Variants in CRHR2 observed in about 807,000 individuals in gnomAD.
CRHR2 encodes the protein corticotropin releasing hormone receptor 2, also known as corticotropin-releasing hormone receptor 2.
CRHR2 carries 53 observed loss-of-function variants against 57.9 expected under a neutral mutation model. That is an observed-to-expected ratio of 0.92 (90% CI 0.73 to 1.15). The LOEUF is 1.15. CRHR2 is among the 50% of genes most tolerant of loss of function. The pLI is 0.00. For synonymous variants in CRHR2, 213 were observed against 220.9 expected, an observed-to-expected ratio of 0.96 and a Z score of 0.32; for missense variants, 532 against 542.6, an observed-to-expected ratio of 0.98 and a Z score of 0.19.
Position 30,662,755 on chromosome 7 carries a change from G to A in CRHR2, c.636C>T (p.Ala212=). Residue 212 remains alanine (A), a synonymous_variant, in exon 6 of 12, where the codon GCC becomes GCT. Coordinates refer to ENST00000471646, the MANE Select transcript of CRHR2 (RefSeq NM_001883.5). ...GCTCAGTGGAGTAGGTCATGACAAT[G>A]GCCGTGTGCAGGTAGCAGCCTTCCA... ...MFVEGCYLHT[A]IVMTYSTERL... 1.9e-6 allele frequency: 3 copies of A among 1,614,234 alleles called. No homozygotes were observed. In the South Asian group the frequency reaches 3.3e-5, roughly 18 times the overall value.
upstream of CRHR2, among the ~76,000 whole-genome samples, chr7:30,686,001 G>A (rs544749296): frequency 2.0e-4 from 31 of 152,052 alleles, no homozygotes; most frequent in African/African-American, 7.2e-4. Context: ...AGAACAACAT[G>A]TCATTCCTGG....
chr7:30,681,275 A>T (rs1784696398), intron 2 of CRHR2, among the ~76,000 whole-genome samples: 1 of 152,142 alleles, frequency 6.6e-6, no homozygotes, highest in Non-Finnish European at 1.5e-5. Context: ...GACACCACTC[A>T]TTATGGGGGC....
In CRHR2 at chr7:30,682,236, G is replaced by A; in HGVS notation, c.45C>T (p.Ser15=). ...LLHSLLEANC[S]LALAEELLLD... is the part of the protein sequence containing the mutation. ...AGAGCAGCTCTTCAGCCAGCGCCAG[G>A]CTGCAGTTGGCCTCCAGCAGGCTGT... The change falls in exon 1 of 12, where the codon AGC becomes AGT. Residue 15 remains serine (S), a synonymous_variant. Coordinates refer to ENST00000471646, the MANE Select transcript of CRHR2 (RefSeq NM_001883.5). 1 of 1,589,730 alleles carries A rather than the reference G, an allele frequency of 6.3e-7. No individual in the cohort carries two copies. Among genetic ancestry groups the A allele is most frequent in the Non-Finnish European group, 8.5e-7 (1 of 1,175,386 alleles).
upstream of CRHR2, among the ~76,000 whole-genome samples, chr7:30,685,260 A>C (rs1784832281): frequency 6.6e-6 from 1 of 152,214 alleles, no homozygotes. Context: ...TCAAACAGGC[A>C]TGTAGGCACA....
upstream of CRHR2, chr7:30,686,356 C>T: frequency 6.6e-7 from 1 of 1,509,890 alleles, no homozygotes; most frequent in Non-Finnish European, 8.8e-7. Flanking sequence ...CTCTAGACTT[C>T]AGCCCAGTGA....
intron 11 of CRHR2, 107 bp downstream of exon 11, chr7:30,654,932 C>T: frequency 6.4e-7 from 1 of 1,557,650 alleles, no homozygotes; most frequent in Non-Finnish European, 8.7e-7. Context: ...CTCAAGGCTT[C>T]CTCTCCCTGG....
intron 2 of CRHR2, among the ~76,000 whole-genome samples, chr7:30,675,618 C>T (rs562799829): frequency 2.6e-5 from 4 of 152,344 alleles, no homozygotes; most frequent in South Asian, 2.1e-4. Flanking sequence ...CTCCCACCCT[C>T]CCTTCCATCT....
intron 2 of CRHR2, among the ~76,000 whole-genome samples, chr7:30,671,195 T>G (rs575348028): frequency 2.0e-5 from 3 of 152,344 alleles, no homozygotes; most frequent in Admixed American, 2.0e-4. Flanking sequence ...TATGATGTTA[T>G]TGGCATCTCA....
At chr7:30,662,613 T>C (rs1784047922) in intron 6 of CRHR2, 81 bp downstream of exon 6, 1 of 1,534,562 alleles carries the variant, frequency 6.5e-7, no homozygotes, top group East Asian at 2.3e-5. Context: ...CAGGCTCTGG[T>C]CCTTGGACCC....
chr7:30,662,117 C>G, intron 7 of CRHR2, 39 bp downstream of exon 7: 1 of 1,610,472 alleles, frequency 6.2e-7, no homozygotes, highest in Non-Finnish European at 8.5e-7. Context: ...ACCCCCATTC[C>G]CTTCCCCATG....
At chr7:30,654,990 G>C (rs1219069538) in intron 11 of CRHR2, 49 bp downstream of exon 11, 1 of 1,601,282 alleles carries the variant, frequency 6.2e-7, no homozygotes, top group Non-Finnish European at 8.5e-7. Context: ...CTGGAGTGGG[G>C]TCTGAGGACC....
At chr7:30,689,419 C>T (rs1220296045) in intron 1 of CRHR2, 1 of 740,448 alleles carries the variant, frequency 1.4e-6, no homozygotes, top group African/African-American at 1.7e-5. Context: ...GAGGGAGATG[C>T]CCATGGCCAC....
At chr7:30,693,075 G>A (rs1584143874) in intron 1 of CRHR2, among the ~76,000 whole-genome samples, 2 of 152,350 alleles carry the variant, frequency 1.3e-5, no homozygotes, top group Non-Finnish European at 2.9e-5. Context: ...GGGCCTTGGA[G>A]GCAGACACCT....
chr7:30,698,405 AC>A (rs972210050), intron 1 of CRHR2, among the ~76,000 whole-genome samples: 1 of 151,940 alleles, frequency 6.6e-6, no homozygotes, highest in African/African-American at 2.4e-5. Flanking sequence ...GGCAGCATGG[AC>A]CCCAGAGGGA....
intron 2 of CRHR2, among the ~76,000 whole-genome samples, chr7:30,669,685 T>C (rs1219765135): frequency 6.6e-6 from 1 of 152,188 alleles, no homozygotes; most frequent in East Asian, 1.9e-4. Context: ...CCTGCTTCTT[T>C]TCTTGCCACC....
At chr7:30,695,023 G>C (rs1335038096) in intron 1 of CRHR2, among the ~76,000 whole-genome samples, 1 of 142,150 alleles carries the variant, frequency 7.0e-6, no homozygotes, top group Non-Finnish European at 1.5e-5. Flanking sequence ...GGGAGGAGGT[G>C]GGGGAGGAAG....
exon 2 of CRHR2, chr7:30,689,215 T>A: frequency 1.9e-6 from 3 of 1,549,972 alleles, no homozygotes; most frequent in Non-Finnish European, 2.6e-6. Context: ...AGGGTCATGA[T>A]GGTGTGGCAG....
chr7:30,680,371 C>T (rs550944689), intron 2 of CRHR2, among the ~76,000 whole-genome samples: 20 of 152,252 alleles, frequency 1.3e-4, no homozygotes, highest in Non-Finnish European at 2.6e-4. Context: ...CCAGGCTGGT[C>T]GGGGAGAACA....
chr7:30,698,737 C>T (rs114706222), intron 1 of CRHR2, among the ~76,000 whole-genome samples: 3,109 of 152,294 alleles, frequency 0.02, 90 homozygotes, highest in African/African-American at 0.067. Flanking sequence ...GTATCTGTGG[C>T]GGCTGGCACA....
Sources: gnomAD v4.1 joint callset for allele counts (sites outside exome capture counted in the v4.1 genomes callset) on GRCh38, gnomAD v4.1.1 for gene constraint, MANE v1.5 for transcripts, NCBI Gene and HGNC (gene_info 2026-07-23, HGNC 2026-07-21) for gene names.